The following SUFU variants were observed in gnomAD, a reference collection of about 807,000 sequenced individuals.
The protein encoded by SUFU is suppressor of fused homolog.
A neutral mutation model predicts 58.9 loss-of-function variants in SUFU; 7 were observed. The observed-to-expected ratio is 0.12, with a 90% CI of 0.07 to 0.22. The LOEUF (loss-of-function observed/expected upper bound fraction) is 0.22. SUFU is among the 10% of genes least tolerant of loss of function. The pLI is 1.00. For missense variants in SUFU, 451 were observed against 641.3 expected (o/e 0.70, Z 3.20); for synonymous variants, 232 against 254.8 (o/e 0.91, Z 0.85).
Position 102,615,251 on chromosome 10 carries a change from C to T in SUFU, c.1023-17C>T. 6.2e-7 allele frequency: 1 copy of T among 1,614,178 alleles called. No individual in the cohort carries two copies. The highest frequency in any genetic ancestry group is 8.5e-7 in the Non-Finnish European group (1 of 1,180,028). Reference sequence around the variant, plus strand: ...TTTTCACCTTGTGCCGAACCTTTTCCTGTGCTTGCTTCACAGGAGCCGCAA... The same window carrying T: ...TTTTCACCTTGTGCCGAACCTTTTCTTGTGCTTGCTTCACAGGAGCCGCAA... On this transcript the variant is annotated splice_polypyrimidine_tract_variant and intron_variant, in intron 8 of 11. Transcript: ENST00000369902.
At chr10:102,571,817 A>G (rs942650731) in intron 3 of SUFU, among the ~76,000 whole-genome samples, 1 of 152,200 alleles carries the variant, frequency 6.6e-6, no homozygotes, top group Admixed American at 6.5e-5. Flanking sequence ...GGTGTTTACC[A>G]TGCTGCATTC....
rs749518002 is a variant in SUFU, at chr10:102,509,064, G to T, written c.183-105G>T. 86 of 1,504,456 alleles carry T rather than the reference G, an allele frequency of 5.7e-5. 1 individual carries two copies. The highest frequency in any genetic ancestry group is 4.7e-4 in the Middle Eastern group (2 of 4,234). 93.2% of individuals were successfully genotyped at this position (1,504,456 alleles called of 1,614,324 possible). On this transcript the variant is annotated intron_variant, in intron 1 of 11. Transcript: ENST00000369902. ...CTCTGTTTAGTTACCTTTCACCCAG[G>T]TTCCTCCAGGATGGGTCCTTTAGGT...
In SUFU at chr10:102,585,949, A is replaced by G. The variant is rs138212085; in HGVS notation, c.455-6633A>G. ...GCCCAGGCTGGAAGGCAATGGCACG[A>G]TCCTGGCTCACTGCAACCTCTGCCT... On this transcript the variant is annotated intron_variant, in intron 3 of 11. Coordinates refer to ENST00000369902, the MANE Select transcript of SUFU (RefSeq NM_016169.4). 3.0e-3 allele frequency among the ~76,000 whole-genome samples: 436 copies of G among 147,674 alleles called. 4 individuals are homozygous for G. The highest frequency in any genetic ancestry group is 0.011 in the African/African-American group (419 of 39,854).
intron 3 of SUFU, among the ~76,000 whole-genome samples, chr10:102,583,484 C>T (rs2063304056): frequency 6.6e-6 from 1 of 152,208 alleles, no homozygotes; most frequent in Non-Finnish European, 1.5e-5. Flanking sequence ...GTCTCCCTTT[C>T]CCAGCTGCCT....
At position 102,630,919 on chromosome 10, in the gene SUFU, A is replaced by G; in HGVS notation, c.*764A>G. 4.3e-6 allele frequency: 1 copy of G among 235,244 alleles called. No individual in the cohort carries two copies. The highest frequency in any genetic ancestry group is 8.4e-6 in the Non-Finnish European group (1 of 119,520). The allele number at this position is 235,244 out of a possible 1,614,324, so 14.6% of individuals were successfully genotyped here. ...CTGGTGGAGCCCGGGGCAGGGGGAG[A>G]GTAGAGACACTCCCTTGTGCAGCTT... On this transcript the variant is annotated 3_prime_UTR_variant, in exon 12 of 12. Coordinates refer to ENST00000369902, the MANE Select transcript of SUFU (RefSeq NM_016169.4).
At chr10:102,605,467 A>G (rs2135904594) in intron 8 of SUFU, among the ~76,000 whole-genome samples, 1 of 152,262 alleles carries the variant, frequency 6.6e-6, no homozygotes, top group East Asian at 2.0e-4. Context: ...TGATCACACC[A>G]CTGCACTCCA....
At position 102,547,807 on chromosome 10, in the gene SUFU, G is replaced by A. The variant is rs78145087; in HGVS notation, c.318-2163G>A. On this transcript the variant is annotated intron_variant, in intron 2 of 11. Transcript: ENST00000369902. The stretch of plus-strand genomic sequence containing the variant: ...ATTGTATAGAGCAAGATGCTGTCTC[G>A]GAAAGAAAGAGAGAGAGGCGGGGGG... Among the ~76,000 whole-genome samples the A allele has an allele frequency of 2.0e-3, 300 of 151,858 alleles. 3 individuals carry two copies. The highest frequency in any genetic ancestry group is 6.8e-3 in the African/African-American group (282 of 41,376).
chr10:102,563,693 C>T (rs1282288539), intron 3 of SUFU, among the ~76,000 whole-genome samples: 1 of 151,026 alleles, frequency 6.6e-6, no homozygotes, highest in African/African-American at 2.4e-5. Flanking sequence ...AAGACCCTGC[C>T]TCAAAAAACA....
rs1481953556 is a variant in SUFU at position 102,630,620 on chromosome 10, C to A, written c.*465C>A. 3.2e-6 allele frequency: 1 copy of A among 312,596 alleles called. No individual in the cohort carries two copies. The allele number at this position is 312,596 out of a possible 1,614,324, so 19.4% of individuals were successfully genotyped here. A position where few individuals can be genotyped will look rare whatever the true frequency, so the allele number is the denominator to read the frequency against. On this transcript the variant is annotated 3_prime_UTR_variant, in exon 12 of 12. Transcript: ENST00000369902. ...TACTCAAGCTCCTCTGGCCGCGGAA[C>A]AATTCCTCTGATCATGTTTGGTTTT...
chr10:102,535,228 T>G (rs767894022), intron 2 of SUFU, among the ~76,000 whole-genome samples: 11 of 152,294 alleles, frequency 7.2e-5, no homozygotes, highest in Non-Finnish European at 1.2e-4. Context: ...GGCTCACGCC[T>G]GTAATCCCAA....
chr10:102,552,290 C>T (rs949869461), intron 3 of SUFU, among the ~76,000 whole-genome samples: 3 of 152,096 alleles, frequency 2.0e-5, no homozygotes, highest in Admixed American at 2.0e-4. Flanking sequence ...TAAAGATTAG[C>T]CAGGTGTGGT....
chr10:102,554,838 A>G (rs2062956355), intron 3 of SUFU, among the ~76,000 whole-genome samples: 1 of 152,366 alleles, frequency 6.6e-6, no homozygotes, highest in East Asian at 1.9e-4. Context: ...TTGCTCAGCT[A>G]TAAAGCAGGG....
intron 2 of SUFU, among the ~76,000 whole-genome samples, chr10:102,543,417 G>A (rs1176450157): frequency 6.6e-6 from 1 of 152,060 alleles, no homozygotes; most frequent in Non-Finnish European, 1.5e-5. Context: ...AATGAATAAA[G>A]CATTTATTGA....
At chr10:102,566,449 G>A (rs1372560738) in intron 3 of SUFU, among the ~76,000 whole-genome samples, 1 of 151,926 alleles carries the variant, frequency 6.6e-6, no homozygotes, top group East Asian at 1.9e-4. Flanking sequence ...GGCCAACATG[G>A]TGAAACCACG....
intron 10 of SUFU, 105 bp from the exon 11 acceptor site, chr10:102,627,070 G>A (rs2063792621): frequency 8.1e-7 from 1 of 1,234,784 alleles, no homozygotes; most frequent in East Asian, 2.3e-5. Context: ...ATCACAGTGA[G>A]CTCATCTCTC....
At chr10:102,600,000 C>T (rs1590068512) in intron 8 of SUFU, among the ~76,000 whole-genome samples, 1 of 152,154 alleles carries the variant, frequency 6.6e-6, no homozygotes, top group East Asian at 1.9e-4. Context: ...GTGGCTGAGG[C>T]CCTTCTTCCT....
intron 10 of SUFU, among the ~76,000 whole-genome samples, chr10:102,624,475 AATGTCACCTTTAAT>A (rs1241238885): frequency 6.6e-6 from 1 of 152,208 alleles, no homozygotes; most frequent in African/African-American, 2.4e-5. Context: ...CTTTGCAGAG[AATGTCACCTTTAAT>A]ATCATGTAGA....
At chr10:102,618,919 G>A in intron 10 of SUFU, 1 of 855,756 alleles carries the variant, frequency 1.2e-6, no homozygotes, top group Non-Finnish European at 1.9e-6. Context: ...ATTCCCAAGT[G>A]TCCTCAGGTA....
At chr10:102,592,434 C>T in intron 3 of SUFU, 148 bp from the exon 4 acceptor site, 2 of 855,054 alleles carry the variant, frequency 2.3e-6, no homozygotes, top group South Asian at 2.9e-5. Context: ...CTCTTTGCTT[C>T]CATCCGGAGT....
Sources: gnomAD v4.1 joint callset for allele counts (sites outside exome capture counted in the v4.1 genomes callset) on GRCh38, gnomAD v4.1.1 for gene constraint, MANE v1.5 for transcripts, NCBI Gene and HGNC (gene_info 2026-07-23, HGNC 2026-07-21) for gene names.